The following OTOP2 variants were observed in gnomAD, a reference collection of about 807,000 sequenced individuals.
OTOP2 encodes proton channel OTOP2.
A neutral mutation model predicts 47.4 loss-of-function variants in OTOP2; 41 were observed. That is an observed-to-expected ratio of 0.87 (90% CI 0.67 to 1.12). The LOEUF (loss-of-function observed/expected upper bound fraction) is 1.12. OTOP2 is among the 50% of genes most tolerant of loss of function. OTOP2 has a pLI of 0.00. For synonymous variants in OTOP2, 328 were observed against 319.6 expected, an observed-to-expected ratio of 1.03 and a Z score of -0.28; for missense variants, 721 against 752.2, an observed-to-expected ratio of 0.96 and a Z score of 0.49.
At chr17:74,931,280 G>T in intron 6 of OTOP2, 127 bp downstream of exon 6, 2 of 1,315,648 alleles carry the variant, frequency 1.5e-6, no homozygotes, top group Non-Finnish European at 1.0e-6. Context: ...CAGCTCTCTA[G>T]GAAAGGAGCA....
In OTOP2 at chr17:74,930,592, C is replaced by A; in HGVS notation, c.957C>A (p.Ser319Arg). The stretch of plus-strand genomic sequence containing the variant: ...AGGTTCAAGTGAGCGGGGACGGGAG[C>A]CGCACCAGGCAGGCCCTGGTCATCT... Reference protein sequence around the residue: ...IYEVQVSGDGSRTRQALVIYY... With the variant: ...IYEVQVSGDGRRTRQALVIYY... Residue 319 changes from serine to arginine, a missense_variant, in exon 6 of 7, where the codon AGC (serine) becomes AGA (arginine). Physicochemically the swap from Ser to Arg is moderately radical, Grantham distance 110. Coordinates refer to ENST00000331427, the MANE Select transcript of OTOP2 (RefSeq NM_178160.3). This position sits in a 1 kb window ranked among gnomAD's most constrained non-coding sequence, Gnocchi z 4.0. 6.2e-7 allele frequency: 1 copy of A among 1,613,944 alleles called. No individual in the cohort carries two copies. Among genetic ancestry groups the A allele is most frequent in the East Asian group, 2.2e-5 (1 of 44,864 alleles).
chr17:74,925,077 G>C, intron 2 of OTOP2, 132 bp downstream of exon 2: 4 of 1,180,840 alleles, frequency 3.4e-6, no homozygotes, highest in East Asian at 5.2e-5. Context: ...AGGAGGACCG[G>C]AGGGTGAAGT....
rs1567943164 is a variant in OTOP2, at chr17:74,924,813, G to A, written c.181G>A (p.Asp61Asn). The A allele has an allele frequency of 1.9e-6, 3 of 1,611,580 alleles. No homozygotes were observed. Among genetic ancestry groups the A allele is most frequent in the Admixed American group, 1.7e-5 (1 of 59,766 alleles). ...AFNKVAVYDT[D>N]VFALLTAMML... ...CAACAAGGTGGCCGTGTACGACACCGACGTGTTCGCGCTGCTCACTGCGAT... is the reference window on the plus strand; with the variant it reads ...CAACAAGGTGGCCGTGTACGACACCAACGTGTTCGCGCTGCTCACTGCGAT... The change falls in exon 2 of 7, where the codon GAC (aspartate) becomes AAC (asparagine). Residue 61 changes from aspartate to asparagine, a missense_variant. Physicochemically the swap from Asp to Asn is conservative, Grantham distance 23 (BLOSUM62 1). Coordinates refer to ENST00000331427, the MANE Select transcript of OTOP2 (RefSeq NM_178160.3). The surrounding 1 kb of genome is among the most constrained non-coding windows in gnomAD (Gnocchi z 7.7).
intron 5 of OTOP2, among the ~76,000 whole-genome samples, chr17:74,929,658 T>C (rs1030977221): frequency 1.3e-5 from 2 of 151,940 alleles, no homozygotes; most frequent in African/African-American, 4.8e-5. Flanking sequence ...ACTCCTGACC[T>C]CAGGTGATCC....
intron 6 of OTOP2, among the ~76,000 whole-genome samples, chr17:74,932,787 C>T (rs1360014548): frequency 6.6e-6 from 1 of 152,152 alleles, no homozygotes; most frequent in Non-Finnish European, 1.5e-5. Flanking sequence ...GCCTAGAAAC[C>T]TTTGTTCTTT....
chr17:74,928,559 G>C (rs1195883729), intron 5 of OTOP2, among the ~76,000 whole-genome samples: 2 of 152,158 alleles, frequency 1.3e-5, no homozygotes, highest in African/African-American at 4.8e-5. Context: ...GCACTGTGCT[G>C]AGTGTCTTAA....
chr17:74,927,152 A>G (rs989006580), intron 3 of OTOP2, 71 bp from the exon 4 acceptor site: 4 of 1,372,866 alleles, frequency 2.9e-6, no homozygotes, highest in Admixed American at 1.7e-5. Flanking sequence ...ACAAGATGGC[A>G]TGGACTTGGG....
Position 74,924,743 on chromosome 17 carries a change from G to C in OTOP2, c.111G>C (p.Val37=). The part of the protein sequence containing the change: ...GGRLLSVLLA[V]NVLLLACTLI... Reference sequence around the variant, plus strand: ...GCCTGCTGTCGGTGCTGCTGGCGGTGAACGTGCTGCTCCTCGCCTGCACGC... The same window carrying C: ...GCCTGCTGTCGGTGCTGCTGGCGGTCAACGTGCTGCTCCTCGCCTGCACGC... Residue 37 remains valine (V), a synonymous_variant, in exon 2 of 7, where the codon GTG becomes GTC. Transcript: ENST00000331427. This position sits in a 1 kb window ranked among gnomAD's most constrained non-coding sequence, Gnocchi z 7.7. 1.2e-6 allele frequency: 2 copies of C among 1,608,606 alleles called. No homozygotes were observed. The highest frequency in any genetic ancestry group is 1.7e-6 in the Non-Finnish European group (2 of 1,178,136).
rs2038987633 is a variant in OTOP2 at position 74,924,693 on chromosome 17, A to G, written c.61A>G (p.Arg21Gly). The change falls in exon 2 of 7, where the codon AGG becomes GGG. Residue 21 changes from arginine (R) to glycine (G), a missense_variant. Transcript: ENST00000331427. This position sits in a 1 kb window ranked among gnomAD's most constrained non-coding sequence, Gnocchi z 7.7. ...ESPPAPRAGP[R>G]EVWKKGGRLL... The stretch of plus-strand genomic sequence containing the variant: ...CCCCCCGGCGCCGCGTGCGGGCCCC[A>G]GGGAGGTGTGGAAGAAGGGTGGCCG... The G allele has an allele frequency of 1.2e-6, 2 of 1,602,078 alleles. No homozygotes were observed. The highest frequency in any genetic ancestry group is 1.7e-6 in the Non-Finnish European group (2 of 1,176,084).
chr17:74,925,279 A>G (rs2038997220), intron 2 of OTOP2, among the ~76,000 whole-genome samples: 1 of 152,068 alleles, frequency 6.6e-6, no homozygotes, highest in South Asian at 2.1e-4. Context: ...TGCGGTATCC[A>G]CACAGCCCCA....
chr17:74,929,604 T>C (rs1247942138), intron 5 of OTOP2, among the ~76,000 whole-genome samples: 2 of 152,106 alleles, frequency 1.3e-5, no homozygotes, highest in Non-Finnish European at 2.9e-5. Flanking sequence ...TTTTGTATTT[T>C]TAGTAGAGAC....
rs761859462 is a variant in OTOP2, at chr17:74,924,661, A to G, written c.29A>G (p.Lys10Arg). The G allele has an allele frequency of 6.3e-7, 1 of 1,590,534 alleles. No individual in the cohort carries two copies. The highest frequency in any genetic ancestry group is 1.7e-5 in the Admixed American group (1 of 58,342). Reference protein sequence around the residue: MSEELAQGPKESPPAPRAGP... With the variant: MSEELAQGPRESPPAPRAGP... ...TCCGAGGAGCTGGCCCAGGGCCCCAAGGAGAGCCCCCCGGCGCCGCGTGCG... is the reference window on the plus strand; with the variant it reads ...TCCGAGGAGCTGGCCCAGGGCCCCAGGGAGAGCCCCCCGGCGCCGCGTGCG... The change falls in exon 2 of 7, where the codon AAG (lysine) becomes AGG (arginine). Residue 10 changes from lysine to arginine, a missense_variant. Transcript: ENST00000331427. The surrounding 1 kb of genome is among the most constrained non-coding windows in gnomAD (Gnocchi z 7.7).
In OTOP2 at chr17:74,933,714, ACAGT is replaced by A; in HGVS notation, c.*173_*176del. 1.3e-6 allele frequency: 1 copy of A among 795,248 alleles called. No individual in the cohort carries two copies. The highest frequency in any genetic ancestry group is 1.9e-6 in the Non-Finnish European group (1 of 526,754). The allele number at this position is 795,248 out of a possible 1,614,324, so 49.3% of individuals were successfully genotyped here. On this transcript the variant is annotated 3_prime_UTR_variant, in exon 7 of 7. Transcript: ENST00000331427. The surrounding 1 kb of genome is among the most constrained non-coding windows in gnomAD (Gnocchi z 4.7). Reference sequence around the variant, plus strand: ...TTTTTCCAGGTTCAATTTTTAAATCACAGTCAGGACAGGCCCATCCACCCCAGTA... The same window carrying A: ...TTTTTCCAGGTTCAATTTTTAAATCACAGGACAGGCCCATCCACCCCAGTA...
At chr17:74,927,319 G>T (rs1166985082) in intron 4 of OTOP2, 38 bp downstream of exon 4, 9 of 1,583,448 alleles carry the variant, frequency 5.7e-6, no homozygotes, top group Non-Finnish European at 7.8e-6. Context: ...CCAGCGTGCT[G>T]GTGTTCACCT....
chr17:74,925,425 C>G, intron 2 of OTOP2, 131 bp from the exon 3 acceptor site: 2 of 1,200,576 alleles, frequency 1.7e-6, no homozygotes, highest in South Asian at 2.9e-5. Flanking sequence ...TTGATCCATC[C>G]AACAGTGCAC....
chr17:74,927,314 G>A (rs375135665), intron 4 of OTOP2, 33 bp downstream of exon 4: 47 of 1,591,026 alleles, frequency 3.0e-5, no homozygotes, highest in Admixed American at 5.0e-5. Context: ...TGTACCCAGC[G>A]TGCTGGTGTT....
chr17:74,925,486 C>A lies in OTOP2; in HGVS notation c.314-70C>A, dbSNP rs1567943497. 7 of 1,581,238 alleles carry A rather than the reference C, an allele frequency of 4.4e-6. No homozygotes were observed. In the Admixed American group the frequency reaches 5.1e-5, roughly 12 times the overall value. On this transcript the variant is annotated intron_variant, in intron 2 of 6. Transcript: ENST00000331427. ...TAGCCTCCCATCCTCAGGGCCTGTC[C>A]TCAGCTCGGCAGGCCTTCTCTCCTG...
Position 74,930,170 on chromosome 17 carries a change from T to A in OTOP2, c.644-109T>A. ...TGCACTCCAGCCTGAGCATCAAGAG[T>A]GAAACTCCGTCTCAAAACAAAACAA... On this transcript the variant is annotated intron_variant, in intron 5 of 6. Coordinates refer to ENST00000331427, the MANE Select transcript of OTOP2 (RefSeq NM_178160.3). The surrounding 1 kb of genome is among the most constrained non-coding windows in gnomAD (Gnocchi z 4.0). 2 of 1,272,128 alleles carry A rather than the reference T, an allele frequency of 1.6e-6. No individual in the cohort carries two copies. The highest frequency in any genetic ancestry group is 3.0e-5 in the South Asian group (2 of 66,814). The allele number at this position is 1,272,128 out of a possible 1,614,324, so 78.8% of individuals were successfully genotyped here.
intron 3 of OTOP2, among the ~76,000 whole-genome samples, chr17:74,925,893 G>A (rs1598591241): frequency 6.6e-6 from 1 of 152,202 alleles, no homozygotes; most frequent in African/African-American, 2.4e-5. Context: ...CCCAACGTGA[G>A]CTCCCACTTG....
Sources: allele counts gnomAD v4.1 joint callset (sites outside exome capture counted in the v4.1 genomes callset), GRCh38; gene constraint gnomAD v4.1.1; non-coding constraint Gnocchi (gnomAD v3.1); transcripts MANE v1.5; gene names NCBI Gene and HGNC (gene_info 2026-07-23, HGNC 2026-07-21).